Variants in ADAMTS17 observed in about 807,000 individuals in gnomAD.
ADAMTS17 encodes A disintegrin and metalloproteinase with thrombospondin motifs 17.
Under a neutral mutation model 141.5 loss-of-function variants are expected in ADAMTS17, and 113 were observed. The ratio of observed to expected loss-of-function variants is 0.80; its 90% CI spans 0.69 to 0.93. The LOEUF (loss-of-function observed/expected upper bound fraction) is 0.93, where lower values mean the gene tolerates loss of function less well. ADAMTS17 is among the 40% of genes least tolerant of loss of function. ADAMTS17 has a pLI of 0.00. For synonymous variants in ADAMTS17, 768 were observed against 630.6 expected (o/e 1.22, Z -3.27); for missense variants, 1,659 against 1,517.9 (o/e 1.09, Z -1.54).
chr15:100,238,386 A>G (rs2042724037), intron 7 of ADAMTS17, among the ~76,000 whole-genome samples: 1 of 152,124 alleles, frequency 6.6e-6, no homozygotes. Flanking sequence ...ACCCCACAAG[A>G]GCAACGGCCT....
At chr15:100,072,784 G>C (rs866171362) in intron 15 of ADAMTS17, among the ~76,000 whole-genome samples, 2 of 152,210 alleles carry the variant, frequency 1.3e-5, no homozygotes, top group African/African-American at 2.4e-5. Flanking sequence ...TTAAATGTTA[G>C]ATCTAAAACC....
rs1470806931 is a variant in ADAMTS17, at chr15:99,974,572, T to A, written c.3128-10A>T. The A allele has an allele frequency of 1.2e-6, 2 of 1,614,096 alleles. No homozygotes were observed. Reference sequence around the variant, plus strand: ...TTGTAGGTCAGAGCAGCTAAGGGGATAGGAGAGAGAATACCCAGGGTCAGG... The same window carrying A: ...TTGTAGGTCAGAGCAGCTAAGGGGAAAGGAGAGAGAATACCCAGGGTCAGG... On this transcript the variant is annotated splice_polypyrimidine_tract_variant and intron_variant, in intron 21 of 21. Transcript: ENST00000268070.
At chr15:100,099,354 T>C (rs1258232113) in intron 14 of ADAMTS17, among the ~76,000 whole-genome samples, 2 of 152,190 alleles carry the variant, frequency 1.3e-5, no homozygotes, top group Non-Finnish European at 2.9e-5. Flanking sequence ...ATTGTTTCAG[T>C]CAGCGCAAGC....
chr15:100,223,027 C>T (rs76788747), intron 7 of ADAMTS17, among the ~76,000 whole-genome samples: 3,074 of 152,306 alleles, frequency 0.02, 92 homozygotes, highest in African/African-American at 0.066. Context: ...GCGCTCTCAC[C>T]CTATTTTCCA....
intron 7 of ADAMTS17, among the ~76,000 whole-genome samples, chr15:100,206,801 G>T (rs892828083): frequency 2.0e-5 from 3 of 152,156 alleles, no homozygotes; most frequent in African/African-American, 7.2e-5. Context: ...CTGGAAGGAG[G>T]GGCACATTCC....
chr15:100,151,068 C>T (rs567923145), intron 10 of ADAMTS17, among the ~76,000 whole-genome samples: 16 of 152,306 alleles, frequency 1.1e-4, no homozygotes, highest in South Asian at 6.2e-4. Context: ...ATGCTGGGGA[C>T]GATCACATCC....
At chr15:100,135,722 T>C (rs2038296097) in intron 10 of ADAMTS17, among the ~76,000 whole-genome samples, 1 of 152,212 alleles carries the variant, frequency 6.6e-6, no homozygotes, top group South Asian at 2.1e-4. Flanking sequence ...AAAACTCCTA[T>C]AGATCAATTA....
Position 100,331,060 on chromosome 15 carries a change from C to T in ADAMTS17, c.451-6G>A. 1 of 1,614,130 alleles carries T rather than the reference C, an allele frequency of 6.2e-7. No individual in the cohort carries two copies. Among genetic ancestry groups the T allele is most frequent in the Non-Finnish European group, 8.5e-7 (1 of 1,180,030 alleles). ...CCAAGCTGAATGAGGCCAACCTGTC[C>T]AGAAAGGAGAAGGAAACGCGATGTC... On this transcript the variant is annotated splice_polypyrimidine_tract_variant and splice_region_variant and intron_variant, in intron 2 of 21. Coordinates refer to ENST00000268070, the MANE Select transcript of ADAMTS17 (RefSeq NM_139057.4).
At chr15:100,156,165 C>T (rs2039427119) in intron 8 of ADAMTS17, among the ~76,000 whole-genome samples, 1 of 152,212 alleles carries the variant, frequency 6.6e-6, no homozygotes, top group African/African-American at 2.4e-5. Flanking sequence ...AAATCACTGC[C>T]AGCTTGGGAG....
chr15:100,296,860 C>T, intron 3 of ADAMTS17, among the ~76,000 whole-genome samples: 1 of 152,222 alleles, frequency 6.6e-6, no homozygotes, highest in East Asian at 1.9e-4. Context: ...GATATTCATT[C>T]AGTTAAATAT....
chr15:100,160,716 T>C (rs2039651106), intron 8 of ADAMTS17, among the ~76,000 whole-genome samples: 1 of 152,192 alleles, frequency 6.6e-6, no homozygotes, highest in Non-Finnish European at 1.5e-5. Flanking sequence ...CAAGGAATGT[T>C]CCAGTCAGCA....
intron 7 of ADAMTS17, among the ~76,000 whole-genome samples, chr15:100,249,288 G>A (rs8043525): frequency 0.015 from 2,327 of 152,296 alleles, 67 homozygotes; most frequent in African/African-American, 0.053. Flanking sequence ...ATCTTCACCC[G>A]AAAGATCTGA....
chr15:100,167,705 C>G (rs1488180287), intron 8 of ADAMTS17, among the ~76,000 whole-genome samples: 1 of 152,194 alleles, frequency 6.6e-6, no homozygotes, highest in African/African-American at 2.4e-5. Flanking sequence ...AAAGAATGTG[C>G]TTTCATCTGC....
chr15:100,116,142 A>AAAAAAAAAC (rs2037107534), intron 13 of ADAMTS17, among the ~76,000 whole-genome samples: 1 of 150,206 alleles, frequency 6.7e-6, no homozygotes, highest in African/African-American at 2.5e-5. Context: ...TAAAAAAAAA[A>AAAAAAAAAC]AAAAAAAAAA....
chr15:100,023,204 AT>A lies in ADAMTS17; in HGVS notation c.2592-25616del, dbSNP rs201830207. ...GTTTTTAGGTGAACAAAATAAAAAAATTTTTTTTTTTTTTGAGACGGAGTTT... is the reference window on the plus strand; with the variant it reads ...GTTTTTAGGTGAACAAAATAAAAAAATTTTTTTTTTTTTGAGACGGAGTTT... On this transcript the variant is annotated intron_variant, in intron 18 of 21. Transcript: ENST00000268070. Among the ~76,000 whole-genome samples the A allele has an allele frequency of 4.2e-3, 611 of 145,982 alleles. 2 individuals carry two copies. Among genetic ancestry groups the A allele is most frequent in the South Asian group, 7.9e-3 (36 of 4,558 alleles).
intron 5 of ADAMTS17, among the ~76,000 whole-genome samples, chr15:100,261,908 G>A (rs984507294): frequency 2.0e-5 from 3 of 152,170 alleles, no homozygotes; most frequent in African/African-American, 4.8e-5. Context: ...CCCAAACCAA[G>A]CGATGCTCCC....
chr15:100,069,252 C>A (rs1190807314), intron 15 of ADAMTS17, among the ~76,000 whole-genome samples: 1 of 152,012 alleles, frequency 6.6e-6, no homozygotes, highest in Non-Finnish European at 1.5e-5. Context: ...GTGAAAAGAC[C>A]AAATCTACTT....
At chr15:100,011,827 T>G (rs1182433275) in intron 18 of ADAMTS17, among the ~76,000 whole-genome samples, 1 of 152,264 alleles carries the variant, frequency 6.6e-6, no homozygotes, top group East Asian at 1.9e-4. Context: ...GTTCCAAGAT[T>G]TTGCAATTGT....
rs200867086 is a variant in ADAMTS17 at position 100,132,129 on chromosome 15, C to G, written c.1599G>C (p.Val533=). 7.3e-5 allele frequency: 118 copies of G among 1,613,960 alleles called. No individual in the cohort carries two copies. Among genetic ancestry groups the G allele is most frequent in the Middle Eastern group, 3.3e-4 (2 of 6,062 alleles). The part of the protein sequence containing the change: ...ADKWCRAGEC[V]SKTPIPEHVD... ...CATGCTCCGGGATGGGCGTCTTGCT[C>G]ACGCACTCCCCCGCGCGGCACCACT... is the stretch of plus-strand genomic sequence containing the variant. Residue 533 remains valine (V), a synonymous_variant, in exon 12 of 22, where the codon GTG becomes GTC. Transcript: ENST00000268070.
Sources: gnomAD v4.1 joint callset for allele counts (sites outside exome capture counted in the v4.1 genomes callset) on GRCh38, gnomAD v4.1.1 for gene constraint, MANE v1.5 for transcripts, NCBI Gene and HGNC (gene_info 2026-07-23, HGNC 2026-07-21) for gene names.